ASZ1: variants seen among roughly 807,000 people sequenced by gnomAD.
ASZ1 encodes ankyrin repeat, SAM and basic leucine zipper domain-containing protein 1.
Under a neutral mutation model 61.8 loss-of-function variants are expected in ASZ1, and 67 were observed. That is an observed-to-expected ratio of 1.08 (90% CI 0.89 to 1.33). The LOEUF is 1.33. ASZ1 is among the 40% of genes most tolerant of loss of function. ASZ1 has a pLI of 0.00. For synonymous variants in ASZ1, 193 were observed against 192.7 expected, an observed-to-expected ratio of 1.00 and a Z score of -0.01; for missense variants, 577 against 554.5, an observed-to-expected ratio of 1.04 and a Z score of -0.41.
chr7:117,383,412 G>A (rs73714640), intron 6 of ASZ1, among the ~76,000 whole-genome samples: 3,724 of 151,878 alleles, frequency 0.025, 154 homozygotes, highest in African/African-American at 0.086. Context: ...AAAGAAAAAA[G>A]TACATCTAAT....
intron 4 of ASZ1, among the ~76,000 whole-genome samples, chr7:117,386,439 T>A (rs1322546405): frequency 2.0e-5 from 3 of 152,176 alleles, no homozygotes; most frequent in Non-Finnish European, 4.4e-5. Flanking sequence ...CTGTAGTTTA[T>A]CATTTCCCAA....
At chr7:117,393,069 A>T (rs1796503740) in intron 4 of ASZ1, among the ~76,000 whole-genome samples, 1 of 150,918 alleles carries the variant, frequency 6.6e-6, no homozygotes, top group South Asian at 2.1e-4. Context: ...CTGGTCTCAA[A>T]CTCCTGACCT....
intron 4 of ASZ1, among the ~76,000 whole-genome samples, chr7:117,415,603 A>T (rs542033122): frequency 5.9e-5 from 9 of 152,196 alleles, no homozygotes; most frequent in Non-Finnish European, 1.2e-4. Flanking sequence ...ATATGTAGGC[A>T]TAGGAAAAAA....
chr7:117,398,351 G>C (rs1006805765), intron 4 of ASZ1, among the ~76,000 whole-genome samples: 7 of 152,096 alleles, frequency 4.6e-5, no homozygotes, highest in Non-Finnish European at 1.0e-4. Flanking sequence ...CTTTAGAGAT[G>C]TGTTCTATCA....
At chr7:117,412,853 A>C (rs1018852748) in intron 4 of ASZ1, among the ~76,000 whole-genome samples, 1 of 151,796 alleles carries the variant, frequency 6.6e-6, no homozygotes, top group Non-Finnish European at 1.5e-5. Flanking sequence ...CAAAAATGTC[A>C]ATTGCATGTA....
chr7:117,386,990 T>G (rs1796368691), intron 4 of ASZ1, among the ~76,000 whole-genome samples: 1 of 151,680 alleles, frequency 6.6e-6, no homozygotes, highest in African/African-American at 2.4e-5. Context: ...CTGGATAACT[T>G]AAGCAAACAT....
intron 5 of ASZ1, among the ~76,000 whole-genome samples, chr7:117,385,253 ATTTCTTTTCT>A (rs1796330890): frequency 6.6e-6 from 1 of 150,410 alleles, no homozygotes; most frequent in African/African-American, 2.4e-5. Context: ...CCTCATTTCT[ATTTCTTTTCT>A]TTTCTTTTTT....
chr7:117,380,894 C>T (rs1796236707), intron 9 of ASZ1, 117 bp downstream of exon 9: 1 of 870,722 alleles, frequency 1.1e-6, no homozygotes, highest in East Asian at 2.5e-5. Flanking sequence ...ATCAAGGACA[C>T]AGTAGAAGAT....
At chr7:117,381,113 G>A in intron 8 of ASZ1, 46 bp from the exon 9 acceptor site, 1 of 1,468,730 alleles carries the variant, frequency 6.8e-7, no homozygotes, top group Non-Finnish European at 9.3e-7. Context: ...AATTAAAATA[G>A]TAGAAGGAGA....
chr7:117,419,253 A>G (rs1158973230), intron 4 of ASZ1, among the ~76,000 whole-genome samples: 2 of 152,228 alleles, frequency 1.3e-5, no homozygotes, highest in Non-Finnish European at 2.9e-5. Flanking sequence ...CTGAAAGGCC[A>G]AATAGACCTT....
At chr7:117,403,241 T>C (rs946066753) in intron 4 of ASZ1, among the ~76,000 whole-genome samples, 5 of 152,180 alleles carry the variant, frequency 3.3e-5, no homozygotes, top group Admixed American at 2.0e-4. Flanking sequence ...GGAAGTGATA[T>C]TTTAATTTCT....
rs544748593 is a variant in ASZ1, at chr7:117,427,483, C to T, written c.-23G>A. On this transcript the variant is annotated 5_prime_UTR_variant, in exon 1 of 13. Transcript: ENST00000284629. ...CATGCCAGCCAAGGAAGCTCCCTGT[C>T]GGCACCGCGCGCCCTTCAGCTCTCC... 33 of 1,611,796 alleles carry T rather than the reference C, an allele frequency of 2.0e-5. No homozygotes were observed. Among genetic ancestry groups the T allele is most frequent in the Non-Finnish European group, 2.5e-5 (29 of 1,178,462 alleles).
chr7:117,426,970 T>C (rs2116549988), intron 1 of ASZ1, 35 bp from the exon 2 acceptor site: 1 of 1,553,384 alleles, frequency 6.4e-7, no homozygotes, highest in Non-Finnish European at 8.7e-7. Context: ...ATTCTTGTTA[T>C]ATATATTTTT....
At chr7:117,373,310 GTTA>G (rs1470346252) in intron 10 of ASZ1, among the ~76,000 whole-genome samples, 1 of 152,074 alleles carries the variant, frequency 6.6e-6, no homozygotes, top group Non-Finnish European at 1.5e-5. Flanking sequence ...CTGGGCTCAA[GTTA>G]TCCTCCTGCC....
At chr7:117,403,033 G>A (rs1038449900) in intron 4 of ASZ1, among the ~76,000 whole-genome samples, 8 of 152,094 alleles carry the variant, frequency 5.3e-5, no homozygotes, top group South Asian at 2.1e-4. Context: ...GACATTTGAC[G>A]TCTGTGGTCA....
chr7:117,396,489 G>A (rs192080982), intron 4 of ASZ1, among the ~76,000 whole-genome samples: 64 of 152,244 alleles, frequency 4.2e-4, no homozygotes, highest in African/African-American at 1.3e-3. Flanking sequence ...AAAAATCAGA[G>A]ATTTTAACTT....
intron 11 of ASZ1, chr7:117,368,208 T>G: frequency 2.8e-4 from 260 of 943,448 alleles, no homozygotes; most frequent in Middle Eastern, 1.1e-3. Context: ...ATTACGGATG[T>G]GAGCCACTAT....
At chr7:117,379,168 T>TAC (rs58457982) in intron 10 of ASZ1, among the ~76,000 whole-genome samples, 2,880 of 69,460 alleles carry the variant, frequency 0.041, 76 homozygotes, top group South Asian at 0.14. Context: ...TATATATATA[T>TAC]ACACACACAC....
chr7:117,423,583 T>C (rs778246912), intron 2 of ASZ1, among the ~76,000 whole-genome samples: 38 of 150,830 alleles, frequency 2.5e-4, no homozygotes, highest in Non-Finnish European at 5.6e-4. Flanking sequence ...CGGTGGCTCA[T>C]GCCTGTAATC....
Sources: gnomAD v4.1 joint callset for allele counts (sites outside exome capture counted in the v4.1 genomes callset) on GRCh38, gnomAD v4.1.1 for gene constraint, MANE v1.5 for transcripts, NCBI Gene and HGNC (gene_info 2026-07-23, HGNC 2026-07-21) for gene names.